ATP9A: variants seen among roughly 807,000 people sequenced by gnomAD.
ATP9A encodes the protein ATPase phospholipid transporting 9A.
A neutral mutation model predicts 144.1 loss-of-function variants in ATP9A; 52 were observed. That is an observed-to-expected ratio of 0.36 (90% CI 0.29 to 0.45). The LOEUF is 0.45. Among genes scored for constraint, ATP9A ranks in the 20% least tolerant of loss-of-function variants. The pLI, the probability that ATP9A is intolerant of heterozygous loss-of-function variation, is 1.00. For missense variants in ATP9A, 947 were observed against 1,392.7 expected (o/e 0.68, Z 5.09); for synonymous variants, 582 against 557.4 (o/e 1.04, Z -0.62).
At chr20:51,651,625 T>C (rs1568803746) in intron 14 of ATP9A, among the ~76,000 whole-genome samples, 3 of 151,062 alleles carry the variant, frequency 2.0e-5, no homozygotes, top group Admixed American at 6.6e-5. Flanking sequence ...ACATTAGTAC[T>C]TGTGATTTTA....
Position 51,617,510 on chromosome 20 carries a change from C to T in ATP9A, c.2395G>A (p.Gly799Ser), listed in dbSNP as rs778947824. ...DVSMIQESDCGVGVEGKEGKQ... is the reference protein window; with the variant it reads ...DVSMIQESDCSVGVEGKEGKQ... ...CTCACCTTTCCTTCCACTCCCACGC[C>T]GCAGTCAGATTCCTGAATCATGCTG... Residue 799 changes from glycine to serine, a missense_variant, in exon 22 of 28, where the codon GGC becomes AGC. Gly to Ser is a moderately conservative substitution (Grantham distance 56, BLOSUM62 0). Around this residue, in one of 2 missense-constraint regions of ATP9A, gnomAD observed 177 missense variants for 344.9 expected, o/e 0.51. Transcript: ENST00000338821. 2.4e-5 allele frequency: 38 copies of T among 1,611,830 alleles called. No individual in the cohort carries two copies. The highest frequency in any genetic ancestry group is 9.3e-6 in the Non-Finnish European group (11 of 1,179,090).
At chr20:51,703,797 T>C (rs2077603955) in intron 4 of ATP9A, among the ~76,000 whole-genome samples, 1 of 152,222 alleles carries the variant, frequency 6.6e-6, no homozygotes, top group Non-Finnish European at 1.5e-5. Context: ...GGCCTATTTT[T>C]TGACCCTGAA....
chr20:51,725,843 T>C lies in ATP9A; in HGVS notation c.303A>G (p.Ala101=). 1 of 1,610,568 alleles carries C rather than the reference T, an allele frequency of 6.2e-7. No homozygotes were observed. Among genetic ancestry groups the C allele is most frequent in the Non-Finnish European group, 8.5e-7 (1 of 1,176,890 alleles). ...CCAGGGGAACCCAGTAGGTATAGAG[T>C]GCACCAAGTCTCATTTCGGGAACAA... ...SQFVPEMRLG[A]LYTYWVPLGF... is the part of the protein sequence containing the mutation. Residue 101 remains alanine (A), a synonymous_variant, in exon 3 of 28, where the codon GCA becomes GCG. Transcript: ENST00000338821.
At chr20:51,683,492 C>A (rs1206149506) in intron 9 of ATP9A, among the ~76,000 whole-genome samples, 1 of 151,984 alleles carries the variant, frequency 6.6e-6, no homozygotes, top group Non-Finnish European at 1.5e-5. Context: ...CCGTGTTAGC[C>A]AGGATGGTCT....
intron 1 of ATP9A, among the ~76,000 whole-genome samples, chr20:51,766,997 T>C (rs566897131): frequency 1.3e-5 from 2 of 151,760 alleles, no homozygotes; most frequent in South Asian, 4.2e-4. Context: ...CTCTGGGTAA[T>C]ATCAGTGAGG....
chr20:51,687,955 T>C (rs2077530861), intron 9 of ATP9A, among the ~76,000 whole-genome samples: 1 of 152,202 alleles, frequency 6.6e-6, no homozygotes, highest in Admixed American at 6.5e-5. Flanking sequence ...ATTAAGTTAA[T>C]GATATCACGA....
chr20:51,647,515 T>C (rs2077346809), intron 14 of ATP9A, among the ~76,000 whole-genome samples: 1 of 150,612 alleles, frequency 6.6e-6, no homozygotes. Context: ...TGTGGCACTG[T>C]ACTCCAGCCT....
chr20:51,616,406 C>T (rs1186421516), intron 22 of ATP9A, among the ~76,000 whole-genome samples: 2 of 152,186 alleles, frequency 1.3e-5, no homozygotes, highest in African/African-American at 4.8e-5. Flanking sequence ...GCAACCTCCA[C>T]CTCCTGGGTT....
Position 51,767,177 on chromosome 20 carries a change from C to A in ATP9A, c.68+1125G>T, listed in dbSNP as rs183871841. ...TCCGAGCAACTGACGCTGCAATAAG[C>A]GGCCGCCACCGGGAAATGCCCAGAG... On this transcript the variant is annotated intron_variant, in intron 1 of 27. Coordinates refer to ENST00000338821, the MANE Select transcript of ATP9A (RefSeq NM_006045.3). Among the ~76,000 whole-genome samples, 827 of 152,102 alleles carry A rather than the reference C, an allele frequency of 5.4e-3. 12 individuals carry two copies. The highest frequency in any genetic ancestry group is 0.019 in the African/African-American group (771 of 41,462).
At chr20:51,651,932 AAAAAAG>A (rs1395674263) in intron 14 of ATP9A, among the ~76,000 whole-genome samples, 2 of 150,996 alleles carry the variant, frequency 1.3e-5, no homozygotes, top group African/African-American at 2.5e-5. Flanking sequence ...CGCCTGGCCA[AAAAAAG>A]AAAAAAAGTT....
chr20:51,756,366 C>T (rs1187743637), intron 1 of ATP9A, among the ~76,000 whole-genome samples: 1 of 151,826 alleles, frequency 6.6e-6, no homozygotes, highest in Admixed American at 6.6e-5. Flanking sequence ...TCTTGGCTCA[C>T]TGCAACCTCC....
intron 4 of ATP9A, among the ~76,000 whole-genome samples, chr20:51,704,822 T>C (rs2077608615): frequency 6.6e-6 from 1 of 152,180 alleles, no homozygotes; most frequent in Non-Finnish European, 1.5e-5. Context: ...TTTATATCTG[T>C]ACCAGGCAGT....
chr20:51,767,998 C>A (rs1248318119), intron 1 of ATP9A, among the ~76,000 whole-genome samples: 2 of 152,150 alleles, frequency 1.3e-5, no homozygotes, highest in African/African-American at 4.8e-5. Context: ...ACGGCTGATC[C>A]GAATTCCGCG....
chr20:51,676,015 G>C, intron 10 of ATP9A, 117 bp downstream of exon 10: 1 of 719,326 alleles, frequency 1.4e-6, no homozygotes, highest in South Asian at 1.9e-5. Flanking sequence ...TGCATAAAAA[G>C]ATAAAATGTC....
chr20:51,612,276 A>C lies in ATP9A; in HGVS notation c.2571+1401T>G, dbSNP rs563106699. ...GAGTTCCAGGATCTACTGTACCTAC[A>C]TTCTCACCACTCAACTGGGAGCATT... is the stretch of plus-strand genomic sequence containing the variant. On this transcript the variant is annotated intron_variant, in intron 23 of 27. Coordinates refer to ENST00000338821, the MANE Select transcript of ATP9A (RefSeq NM_006045.3). Among the ~76,000 whole-genome samples, 98 of 152,360 alleles carry C rather than the reference A, an allele frequency of 6.4e-4. 1 individual carries two copies. In the South Asian group the frequency reaches 0.02, roughly 31 times the overall value.
At chr20:51,694,168 G>A (rs2077560723) in intron 6 of ATP9A, 66 bp from the exon 7 acceptor site, 2 of 1,358,552 alleles carry the variant, frequency 1.5e-6, no homozygotes, top group Non-Finnish European at 2.1e-6. Flanking sequence ...GCTCTGGGCA[G>A]CGTCTGCTCT....
chr20:51,607,841 T>C (rs1293442560), intron 25 of ATP9A, among the ~76,000 whole-genome samples: 1 of 151,790 alleles, frequency 6.6e-6, no homozygotes, highest in Non-Finnish European at 1.5e-5. Flanking sequence ...GTCAGGAGTT[T>C]GAGACCAGCC....
intron 1 of ATP9A, among the ~76,000 whole-genome samples, chr20:51,758,882 AC>A (rs2122916514): frequency 6.6e-6 from 1 of 152,110 alleles, no homozygotes; most frequent in South Asian, 2.1e-4. Context: ...CCGAGATCAT[AC>A]CACTGCACTC....
At chr20:51,671,342 T>G in intron 11 of ATP9A, 85 bp from the exon 12 acceptor site, 1 of 1,489,806 alleles carries the variant, frequency 6.7e-7, no homozygotes, top group Non-Finnish European at 9.2e-7. Flanking sequence ...TCTAAACACA[T>G]GTGCCATCGC....
Sources: gnomAD v4.1 joint callset for allele counts (sites outside exome capture counted in the v4.1 genomes callset) on GRCh38, gnomAD v4.1.1 for gene constraint, gnomAD v4.1.1 regional missense constraint, MANE v1.5 for transcripts, NCBI Gene and HGNC (gene_info 2026-07-23, HGNC 2026-07-21) for gene names.